Variants in JARID2 observed in about 807,000 individuals in gnomAD.
The protein encoded by JARID2 is protein Jumonji.
A neutral mutation model predicts 125.6 loss-of-function variants in JARID2; 21 were observed. The ratio of observed to expected loss-of-function variants is 0.17; its 90% CI spans 0.12 to 0.24. The LOEUF (loss-of-function observed/expected upper bound fraction) is 0.24, where lower values mean the gene tolerates loss of function less well. Among genes scored for constraint, JARID2 ranks in the 10% least tolerant of loss-of-function variants. The pLI, the probability that JARID2 is intolerant of heterozygous loss-of-function variation, is 1.00. For synonymous variants in JARID2, 736 were observed against 661.6 expected (o/e 1.11, Z -1.73); for missense variants, 1,303 against 1,639.6 (o/e 0.79, Z 3.55).
chr6:15,438,998 C>G (rs1420074016), intron 3 of JARID2, among the ~76,000 whole-genome samples: 2 of 150,412 alleles, frequency 1.3e-5, no homozygotes, highest in African/African-American at 4.9e-5. Context: ...CGCCACTGCA[C>G]TCCAGCCTGG....
chr6:15,481,251 T>C (rs1384672906), intron 5 of JARID2, among the ~76,000 whole-genome samples: 2 of 152,272 alleles, frequency 1.3e-5, no homozygotes, highest in Non-Finnish European at 2.9e-5. Flanking sequence ...TATTTGTCTC[T>C]GTTCGTTAAT....
At chr6:15,320,952 A>T (rs1053952536) in intron 1 of JARID2, among the ~76,000 whole-genome samples, 3 of 151,308 alleles carry the variant, frequency 2.0e-5, no homozygotes, top group South Asian at 4.2e-4. Flanking sequence ...ACATTTTCTC[A>T]TCTTGTTTGG....
At position 15,300,948 on chromosome 6, in the gene JARID2, A is replaced by G. The variant is rs117983442; in HGVS notation, c.45+54364A>G. ...CACACTCTATCAGTGGTAGTTATCA[A>G]TGAGTGACTGTTGGTAGACAGCAAG... On this transcript the variant is annotated intron_variant, in intron 1 of 17. Transcript: ENST00000341776. Among the ~76,000 whole-genome samples, 213 of 152,304 alleles carry G rather than the reference A, an allele frequency of 1.4e-3. 4 individuals carry two copies. The East Asian group carries it at 0.037, about 26-fold the overall frequency.
chr6:15,442,031 C>G (rs1039433160), intron 3 of JARID2, among the ~76,000 whole-genome samples: 3 of 151,848 alleles, frequency 2.0e-5, no homozygotes, highest in Admixed American at 1.3e-4. Flanking sequence ...ATCCCCCACG[C>G]CTGGCCTGGA....
chr6:15,483,730 A>G lies in JARID2; in HGVS notation c.671-3577A>G, dbSNP rs537548284. 8.9e-4 allele frequency among the ~76,000 whole-genome samples: 135 copies of G among 152,292 alleles called. 2 individuals carry two copies. Among genetic ancestry groups the G allele is most frequent in the African/African-American group, 3.2e-3 (131 of 41,570 alleles). ...TGTGAATATTTGTGTGCAAGTTTTT[A>G]TGTGGACATATTTTTTATTTCCCTT... On this transcript the variant is annotated intron_variant, in intron 5 of 17. Transcript: ENST00000341776.
chr6:15,468,169 CTT>C (rs10700305), intron 4 of JARID2, among the ~76,000 whole-genome samples: 17 of 134,828 alleles, frequency 1.3e-4, no homozygotes, highest in East Asian at 2.2e-4. Flanking sequence ...TCTTCTCTGT[CTT>C]TTTTTTTTTT....
intron 1 of JARID2, among the ~76,000 whole-genome samples, chr6:15,326,845 T>C (rs780422020): frequency 3.9e-5 from 6 of 152,258 alleles, no homozygotes; most frequent in Non-Finnish European, 7.3e-5. Flanking sequence ...AGAGAAAACA[T>C]ACCCATGATA....
chr6:15,433,968 G>GTGTGTGTGTT (rs1767090150), intron 3 of JARID2, among the ~76,000 whole-genome samples: 1 of 141,292 alleles, frequency 7.1e-6, no homozygotes, highest in Admixed American at 7.0e-5. Flanking sequence ...GTGTGTGTGT[G>GTGTGTGTGTT]TGTCAGGAGT....
chr6:15,510,130 G>A (rs1245910045), intron 12 of JARID2, among the ~76,000 whole-genome samples: 1 of 152,118 alleles, frequency 6.6e-6, no homozygotes. Flanking sequence ...GGGGCTGTGG[G>A]GAGGGGCTGG....
At chr6:15,443,213 G>A (rs1208935866) in intron 3 of JARID2, among the ~76,000 whole-genome samples, 1 of 152,118 alleles carries the variant, frequency 6.6e-6, no homozygotes, top group African/African-American at 2.4e-5. Context: ...GATTTGCAAG[G>A]CTTGCCTTGT....
At chr6:15,510,450 C>T (rs1222487688) in intron 12 of JARID2, among the ~76,000 whole-genome samples, 2 of 152,212 alleles carry the variant, frequency 1.3e-5, no homozygotes, top group African/African-American at 2.4e-5. Context: ...ACCTCCTCCC[C>T]TCCCTGTGAT....
At chr6:15,505,614 G>A (rs1245211230) in intron 9 of JARID2, among the ~76,000 whole-genome samples, 1 of 152,258 alleles carries the variant, frequency 6.6e-6, no homozygotes, top group East Asian at 1.9e-4. Flanking sequence ...GTGGGGAATA[G>A]AGGTTTACCT....
chr6:15,366,591 GCT>G (rs1408492331), intron 1 of JARID2, among the ~76,000 whole-genome samples: 1 of 151,760 alleles, frequency 6.6e-6, no homozygotes, highest in Non-Finnish European at 1.5e-5. Context: ...TAATAAAGAG[GCT>G]CTGTGTTAGG....
At chr6:15,270,025 G>T (rs571600303) in intron 1 of JARID2, among the ~76,000 whole-genome samples, 1 of 152,158 alleles carries the variant, frequency 6.6e-6, no homozygotes, top group African/African-American at 2.4e-5. Flanking sequence ...TATACAAAGG[G>T]AACATACTCA....
In JARID2 at chr6:15,496,510, G is replaced by A. The variant is rs760586123; in HGVS notation, c.1285G>A (p.Glu429Lys). 5.6e-6 allele frequency: 9 copies of A among 1,607,128 alleles called. No homozygotes were observed. The highest frequency in any genetic ancestry group is 4.0e-5 in the African/African-American group (3 of 74,794). ...GGAGGTGGGGGGGCGGCAGCTGCGGGAGGGCCTGCAGCTGCGGGAGGGGCT... is the reference window on the plus strand; with the variant it reads ...GGAGGTGGGGGGGCGGCAGCTGCGGAAGGGCCTGCAGCTGCGGGAGGGGCT... Reference protein sequence around the residue: ...TKEVGGRQLREGLQLREGLRN... With the variant: ...TKEVGGRQLRKGLQLREGLRN... Residue 429 changes from glutamate (E) to lysine (K), a missense_variant, in exon 7 of 18, where the codon GAG becomes AAG. Physicochemically the swap from Glu to Lys is moderately conservative, Grantham distance 56 (BLOSUM62 1). Coordinates refer to ENST00000341776, the MANE Select transcript of JARID2 (RefSeq NM_004973.4).
intron 3 of JARID2, among the ~76,000 whole-genome samples, chr6:15,433,704 C>T (rs189453195): frequency 1.3e-5 from 2 of 152,290 alleles, no homozygotes; most frequent in Admixed American, 1.3e-4. Flanking sequence ...TGCCCACCCA[C>T]ATCAATTGCA....
intron 1 of JARID2, among the ~76,000 whole-genome samples, chr6:15,290,914 C>T (rs1181488757): frequency 6.6e-6 from 1 of 152,222 alleles, no homozygotes; most frequent in African/African-American, 2.4e-5. Context: ...GGCACTGAGC[C>T]TGGCCTAGTT....
chr6:15,465,443 C>A (rs1768673024), intron 4 of JARID2, among the ~76,000 whole-genome samples: 1 of 151,848 alleles, frequency 6.6e-6, no homozygotes, highest in Admixed American at 6.6e-5. Context: ...AGAGTGATTT[C>A]TTGTCTCAAA....
intron 1 of JARID2, among the ~76,000 whole-genome samples, chr6:15,306,298 T>C (rs1350845234): frequency 1.3e-5 from 2 of 150,842 alleles, no homozygotes; most frequent in African/African-American, 4.9e-5. Flanking sequence ...CCAGCCAGCC[T>C]CTTTTCTCAT....
Sources: gnomAD v4.1 joint callset for allele counts (sites outside exome capture counted in the v4.1 genomes callset) on GRCh38, gnomAD v4.1.1 for gene constraint, MANE v1.5 for transcripts, NCBI Gene and HGNC (gene_info 2026-07-23, HGNC 2026-07-21) for gene names.